Variants in DDX4 observed in about 807,000 individuals in gnomAD.
DDX4 encodes DEAD-box helicase 4.
In DDX4, 25 loss-of-function variants were observed where a neutral mutation model predicts 100.0. The ratio of observed to expected loss-of-function variants is 0.25; its 90% CI spans 0.18 to 0.35. DDX4 has a LOEUF of 0.35. Among genes scored for constraint, DDX4 ranks in the 10% least tolerant of loss-of-function variants. The probability of loss-of-function intolerance (pLI) is 1.00; values close to 1 mark genes in which losing one functional copy is unlikely to be tolerated. For missense variants in DDX4, 635 were observed against 882.4 expected, an observed-to-expected ratio of 0.72 and a Z score of 3.55; for synonymous variants, 259 against 275.7, an observed-to-expected ratio of 0.94 and a Z score of 0.60.
chr5:55,779,569 C>A, intron 7 of DDX4, among the ~76,000 whole-genome samples: 1 of 152,154 alleles, frequency 6.6e-6, no homozygotes, highest in East Asian at 1.9e-4. Context: ...GCCTGCATGT[C>A]TGTGCTTTGA....
intron 7 of DDX4, chr5:55,768,228 C>A: frequency 2.7e-6 from 1 of 372,876 alleles, no homozygotes; most frequent in Non-Finnish European, 5.0e-6. Context: ...ATTTTGTCAC[C>A]CAGATAATAA....
chr5:55,745,678 C>G lies in DDX4; in HGVS notation c.70-486C>G, dbSNP rs545908227. ...GCTCAAGTGATCCTCCTGCCTCAGCCTCCCACAGTGCTGGGATTACATACG... is the reference window on the plus strand; with the variant it reads ...GCTCAAGTGATCCTCCTGCCTCAGCGTCCCACAGTGCTGGGATTACATACG... On this transcript the variant is annotated intron_variant, in intron 2 of 21. Transcript: ENST00000505374. 2.2e-3 allele frequency among the ~76,000 whole-genome samples: 335 copies of G among 152,314 alleles called. 1 individual carries two copies. Among genetic ancestry groups the G allele is most frequent in the Non-Finnish European group, 4.3e-3 (294 of 68,032 alleles).
In DDX4 at chr5:55,763,340, A is replaced by T. The variant is rs1227097479; in HGVS notation, c.283+88A>T. The T allele has an allele frequency of 6.4e-5, 55 of 854,082 alleles. No homozygotes were observed. In the South Asian group the frequency reaches 7.4e-4, roughly 12 times the overall value. 52.9% of individuals were successfully genotyped at this position (854,082 alleles called of 1,614,324 possible). ...AAATACTGATTGACAGACATTCCATATTGACATTTAATTTCAAGGTATATA... is the reference window on the plus strand; with the variant it reads ...AAATACTGATTGACAGACATTCCATTTTGACATTTAATTTCAAGGTATATA... On this transcript the variant is annotated intron_variant, in intron 5 of 21. Coordinates refer to ENST00000505374, the MANE Select transcript of DDX4 (RefSeq NM_024415.3).
At chr5:55,796,541 T>G (rs1742947866) in intron 17 of DDX4, among the ~76,000 whole-genome samples, 1 of 152,202 alleles carries the variant, frequency 6.6e-6, no homozygotes, top group Non-Finnish European at 1.5e-5. Flanking sequence ...CCTTCCCATA[T>G]CTTTCCATCT....
intron 6 of DDX4, among the ~76,000 whole-genome samples, chr5:55,765,620 G>A (rs1740871157): frequency 6.6e-6 from 1 of 151,800 alleles, no homozygotes; most frequent in Admixed American, 6.6e-5. Context: ...GAACACGTAG[G>A]TGTGAGACTC....
At chr5:55,749,162 T>C (rs554072134) in intron 3 of DDX4, among the ~76,000 whole-genome samples, 1 of 152,248 alleles carries the variant, frequency 6.6e-6, no homozygotes, top group Non-Finnish European at 1.5e-5. Context: ...GGCTTATGCC[T>C]GTAATCCCTT....
intron 3 of DDX4, among the ~76,000 whole-genome samples, chr5:55,759,730 C>T (rs1361490374): frequency 6.6e-6 from 1 of 152,062 alleles, no homozygotes; most frequent in Non-Finnish European, 1.5e-5. Context: ...TGATTATATC[C>T]AGAGGAGAAA....
chr5:55,813,800 A>G, intron 19 of DDX4, 28 bp downstream of exon 19: 1 of 1,544,560 alleles, frequency 6.5e-7, no homozygotes, highest in East Asian at 2.3e-5. Context: ...ATTACCTATT[A>G]GGGGAATGAC....
rs1741941392 is a variant in DDX4 at position 55,781,967 on chromosome 5, G to C, written c.611G>C (p.Ser204Thr). Residue 204 changes from serine to threonine, a missense_variant, in exon 10 of 22, where the codon AGT becomes ACT. Ser to Thr is a moderately conservative substitution (Grantham distance 58, BLOSUM62 1). Around this residue, in one of 4 missense-constraint regions of DDX4, gnomAD observed 446 missense variants for 540.8 expected, o/e 0.82. Transcript: ENST00000505374. ...NGDTSQSRSG[S>T]GSERGGYKGL... ...GATACTTCTCAAAGCAGAAGTGGCA[G>C]TGGAAGTGAACGAGGTAAGTTCTTA... 1 of 1,614,052 alleles carries C rather than the reference G, an allele frequency of 6.2e-7. No homozygotes were observed. Among genetic ancestry groups the C allele is most frequent in the African/African-American group, 1.3e-5 (1 of 75,034 alleles).
At chr5:55,748,134 T>C (rs1050894002) in intron 3 of DDX4, among the ~76,000 whole-genome samples, 3 of 152,248 alleles carry the variant, frequency 2.0e-5, no homozygotes, top group Admixed American at 1.3e-4. Flanking sequence ...TTTCAAAATA[T>C]GTTTATCTTT....
In DDX4 at chr5:55,787,896, T is replaced by A. The variant is rs1224685751; in HGVS notation, c.1068T>A (p.Thr356=). 2 of 1,613,916 alleles carry A rather than the reference T, an allele frequency of 1.2e-6. No homozygotes were observed. Among genetic ancestry groups the A allele is most frequent in the South Asian group, 1.1e-5 (1 of 91,058 alleles). The change falls in exon 15 of 22, where the codon ACT becomes ACA. Residue 356 remains threonine, a synonymous_variant. Coordinates refer to ENST00000505374, the MANE Select transcript of DDX4 (RefSeq NM_024415.3). ...CTCATATGATGCATGATGGAATAAC[T>A]GCCAGTCGTTTTAAAGAGTTGCAGG... The part of the protein sequence containing the change: ...ILAHMMHDGI[T]ASRFKELQEP...
In DDX4 at chr5:55,816,487, G is replaced by C. The variant is rs779469513; in HGVS notation, c.2122G>C (p.Gly708Arg). The change falls in exon 22 of 22, where the codon GGG becomes CGG. Residue 708 changes from glycine (G) to arginine (R), a missense_variant. Transcript: ENST00000505374. Reference protein sequence around the residue: ...RKGKSTLNTAGFSSSQAPNPV... With the variant: ...RKGKSTLNTARFSSSQAPNPV... ...GGGCAAGAGCACTTTGAACACAGCT[G>C]GGTTTTCTTCTTCACAAGCTCCCAA... 1 of 1,611,020 alleles carries C rather than the reference G, an allele frequency of 6.2e-7. No individual in the cohort carries two copies. Among genetic ancestry groups the C allele is most frequent in the South Asian group, 1.1e-5 (1 of 90,738 alleles).
chr5:55,808,160 C>G (rs1424737803), intron 18 of DDX4, among the ~76,000 whole-genome samples: 1 of 152,164 alleles, frequency 6.6e-6, no homozygotes, highest in Non-Finnish European at 1.5e-5. Flanking sequence ...CCTTGGTTTT[C>G]AGCTCCATCA....
At chr5:55,781,410 A>G (rs1021658647) in intron 9 of DDX4, among the ~76,000 whole-genome samples, 1 of 152,222 alleles carries the variant, frequency 6.6e-6, no homozygotes, top group African/African-American at 2.4e-5. Flanking sequence ...GTTAGGGGAA[A>G]AGGATTTGTG....
At chr5:55,781,214 C>T (rs762585529) in intron 9 of DDX4, 68 bp downstream of exon 9, 9 of 1,264,538 alleles carry the variant, frequency 7.1e-6, no homozygotes, top group African/African-American at 3.0e-5. Flanking sequence ...GATTAGTAAA[C>T]CTAATATATA....
intron 2 of DDX4, among the ~76,000 whole-genome samples, chr5:55,741,396 C>A (rs1758973875): frequency 6.6e-6 from 1 of 152,184 alleles, no homozygotes; most frequent in Non-Finnish European, 1.5e-5. Context: ...AAACTTAACA[C>A]CTGGTGTTGT....
At chr5:55,800,430 T>C (rs1296525453) in intron 18 of DDX4, among the ~76,000 whole-genome samples, 1 of 151,782 alleles carries the variant, frequency 6.6e-6, no homozygotes, top group Non-Finnish European at 1.5e-5. Flanking sequence ...TTCACGCCAT[T>C]CTCCTGCCTC....
At chr5:55,798,893 C>T (rs960737697) in intron 18 of DDX4, among the ~76,000 whole-genome samples, 2 of 152,166 alleles carry the variant, frequency 1.3e-5, no homozygotes, top group Admixed American at 6.5e-5. Flanking sequence ...CACACTATTA[C>T]TCCATCAAAA....
chr5:55,800,611 A>G (rs1367669180), intron 18 of DDX4, among the ~76,000 whole-genome samples: 1 of 152,184 alleles, frequency 6.6e-6, no homozygotes, highest in Non-Finnish European at 1.5e-5. Context: ...GGCATGAGCC[A>G]CTGTGCCCGG....
Sources: gnomAD v4.1 joint callset for allele counts (sites outside exome capture counted in the v4.1 genomes callset) on GRCh38, gnomAD v4.1.1 for gene constraint, gnomAD v4.1.1 regional missense constraint, MANE v1.5 for transcripts, NCBI Gene and HGNC (gene_info 2026-07-23, HGNC 2026-07-21) for gene names.